Variants in ABCA12 observed in about 807,000 individuals in gnomAD.
The protein encoded by ABCA12 is ATP binding cassette subfamily A member 12, also known as glucosylceramide transporter ABCA12.
ABCA12 carries 156 observed loss-of-function variants against 293.5 expected under a neutral mutation model. The observed-to-expected ratio is 0.53, with a 90% confidence interval of 0.47 to 0.61. The LOEUF is 0.61. Ranked by LOEUF, ABCA12 falls within the 20% of genes least tolerant of loss-of-function variation. The pLI is 0.00. For synonymous variants in ABCA12, 1,063 were observed against 1,108.0 expected (o/e 0.96, Z 0.81); for missense variants, 2,797 against 3,090.2 (o/e 0.91, Z 2.25).
chr2:215,001,751 G>T lies in ABCA12; in HGVS notation c.2684-14C>A. ...GTCTTAGAATATCTAAAGAGGCAAA[G>T]CAAAAGAGACAAAAAAAAATTATGG... On this transcript the variant is annotated splice_polypyrimidine_tract_variant and intron_variant, in intron 20 of 52. Coordinates refer to ENST00000272895, the MANE Select transcript of ABCA12 (RefSeq NM_173076.3). 6.2e-7 allele frequency: 1 copy of T among 1,610,338 alleles called. No homozygotes were observed.
At chr2:214,998,740 C>T (rs1700084455) in intron 22 of ABCA12, among the ~76,000 whole-genome samples, 1 of 152,186 alleles carries the variant, frequency 6.6e-6, no homozygotes, top group Non-Finnish European at 1.5e-5. Flanking sequence ...CATCTATTTG[C>T]TTTTTAAACA....
chr2:215,034,537 T>C (rs976480476), intron 8 of ABCA12, among the ~76,000 whole-genome samples: 2 of 152,200 alleles, frequency 1.3e-5, no homozygotes, highest in Non-Finnish European at 2.9e-5. Context: ...GTTAAGCAGG[T>C]ACTTGCATGT....
intron 2 of ABCA12, among the ~76,000 whole-genome samples, chr2:215,073,457 A>G (rs1354936307): frequency 1.3e-5 from 2 of 152,066 alleles, no homozygotes; most frequent in African/African-American, 2.4e-5. Context: ...GCAGGTCTGA[A>G]TTAAGCTGGG....
At chr2:214,971,304 C>G (rs867093295) in intron 36 of ABCA12, among the ~76,000 whole-genome samples, 9 of 152,134 alleles carry the variant, frequency 5.9e-5, no homozygotes, top group Non-Finnish European at 4.4e-5. Flanking sequence ...CAGAGTGACA[C>G]TGCTTTCACA....
rs57140748 is a variant in ABCA12, at chr2:215,032,235, C to T, written c.986-339G>A. The T allele has an allele frequency of 6.6e-3, 3,522 of 533,318 alleles. 64 individuals carry two copies. The highest frequency in any genetic ancestry group is 0.049 in the African/African-American group (2,434 of 49,448). 33.0% of individuals were successfully genotyped at this position (533,318 alleles called of 1,614,324 possible). On this transcript the variant is annotated intron_variant, in intron 8 of 52. Transcript: ENST00000272895. ...GTACTATAATGAAGATTGACTACCA[C>T]GTGATTTGTTAATCAAATGAAGCCA...
At chr2:214,971,746 T>C (rs1699390396) in intron 36 of ABCA12, among the ~76,000 whole-genome samples, 1 of 152,200 alleles carries the variant, frequency 6.6e-6, no homozygotes, top group African/African-American at 2.4e-5. Context: ...TAGTGAGCAT[T>C]ATTCACATTT....
At chr2:215,135,072 C>T (rs1703195077) in intron 1 of ABCA12, among the ~76,000 whole-genome samples, 1 of 152,278 alleles carries the variant, frequency 6.6e-6, no homozygotes, top group East Asian at 1.9e-4. Flanking sequence ...AAGCGATTTT[C>T]CTGCCTCAGC....
intron 1 of ABCA12, among the ~76,000 whole-genome samples, chr2:215,132,349 A>G (rs757696135): frequency 2.6e-5 from 4 of 152,062 alleles, no homozygotes; most frequent in Non-Finnish European, 5.9e-5. Context: ...GAAGTCCACC[A>G]CTATTATTGT....
At chr2:215,136,335 A>G (rs1233656209) in intron 1 of ABCA12, among the ~76,000 whole-genome samples, 1 of 152,250 alleles carries the variant, frequency 6.6e-6, no homozygotes, top group African/African-American at 2.4e-5. Flanking sequence ...AAATGAAGAG[A>G]AACCCCAAAG....
Position 214,955,310 on chromosome 2 carries a change from T to C in ABCA12, c.6285A>G (p.Thr2095=). 6.2e-7 allele frequency: 1 copy of C among 1,614,160 alleles called. No individual in the cohort carries two copies. Among genetic ancestry groups the C allele is most frequent in the South Asian group, 1.1e-5 (1 of 91,088 alleles). ...AGACGTAAGTGATGAAGGCCATTCC[T>C]GTTTCATGGAAGAGCCCAGCCAGCA... is the stretch of plus-strand genomic sequence containing the variant. The part of the protein sequence containing the change: ...MYLLAGLFHE[T]GMAFITYVCV... The change falls in exon 43 of 53, where the codon ACA becomes ACG. Residue 2095 remains threonine (T), a synonymous_variant. Coordinates refer to ENST00000272895, the MANE Select transcript of ABCA12 (RefSeq NM_173076.3).
At chr2:215,010,174 G>A (rs1325152062) in intron 18 of ABCA12, among the ~76,000 whole-genome samples, 157 bp downstream of exon 18, 1 of 151,438 alleles carries the variant, frequency 6.6e-6, no homozygotes, top group Non-Finnish European at 1.5e-5. Context: ...ATCCAGGGCA[G>A]AAGTTGAGAA....
In ABCA12 at chr2:215,003,451, T is replaced by C. The variant is rs558659778; in HGVS notation, c.2683+758A>G. Among the ~76,000 whole-genome samples, 5 of 152,284 alleles carry C rather than the reference T, an allele frequency of 3.3e-5. No individual in the cohort carries two copies. In the East Asian group the frequency reaches 9.7e-4, roughly 29 times the overall value. ...GCGTTTTTCTTGCTTTTGCTAACTCTATATCTCTTCTAATTACATTCTGGG... is the reference window on the plus strand; with the variant it reads ...GCGTTTTTCTTGCTTTTGCTAACTCCATATCTCTTCTAATTACATTCTGGG... On this transcript the variant is annotated intron_variant, in intron 20 of 52. Coordinates refer to ENST00000272895, the MANE Select transcript of ABCA12 (RefSeq NM_173076.3).
intron 51 of ABCA12, 140 bp from the exon 52 acceptor site, chr2:214,934,355 T>C: frequency 1.0e-6 from 1 of 999,076 alleles, no homozygotes; most frequent in Non-Finnish European, 1.6e-6. Context: ...ATAACGAGTA[T>C]ATTTTGAAAC....
At chr2:214,932,886 C>G (rs1042083839) in intron 52 of ABCA12, 145 bp from the exon 53 acceptor site, 22 of 682,776 alleles carry the variant, frequency 3.2e-5, no homozygotes, top group Non-Finnish European at 5.2e-6. Context: ...AATCCAAATC[C>G]TAGTTTTATA....
At chr2:215,048,610 C>T (rs991818961) in intron 6 of ABCA12, among the ~76,000 whole-genome samples, 8 of 151,570 alleles carry the variant, frequency 5.3e-5, no homozygotes, top group East Asian at 1.9e-4. Flanking sequence ...GGCTGAGGCA[C>T]GAGAATTACT....
At chr2:215,097,798 G>A (rs1702277608) in intron 2 of ABCA12, among the ~76,000 whole-genome samples, 1 of 152,080 alleles carries the variant, frequency 6.6e-6, no homozygotes, top group Admixed American at 6.6e-5. Context: ...ACCTGCCTAT[G>A]AAATACACTG....
At chr2:214,959,182 A>G (rs1373468866) in intron 39 of ABCA12, 104 bp from the exon 40 acceptor site, 1 of 1,038,154 alleles carries the variant, frequency 9.6e-7, no homozygotes, top group African/African-American at 1.6e-5. Context: ...ATTATTATCT[A>G]AACAATTTTA....
chr2:215,023,331 T>C (rs1700671678), intron 11 of ABCA12: 1 of 152,218 alleles, frequency 6.6e-6, no homozygotes, highest in African/African-American at 2.4e-5. Context: ...GGTCTAGGAC[T>C]GAATGGGTCC....
chr2:215,075,464 C>A (rs779367646), intron 2 of ABCA12: 19 of 652,590 alleles, frequency 2.9e-5, no homozygotes, highest in African/African-American at 2.6e-4. Flanking sequence ...CAGACAGGAG[C>A]GAGAGTCAAA....
Sources: allele counts gnomAD v4.1 joint callset (sites outside exome capture counted in the v4.1 genomes callset), GRCh38; gene constraint gnomAD v4.1.1; transcripts MANE v1.5; gene names NCBI Gene and HGNC (gene_info 2026-07-23, HGNC 2026-07-21).